CHD1L: variants seen among roughly 807,000 people sequenced by gnomAD.
CHD1L encodes the protein ATP-dependent chromatin remodeler CHD1L.
CHD1L carries 118 observed loss-of-function variants against 115.9 expected under a neutral mutation model. The ratio of observed to expected loss-of-function variants is 1.02; its 90% CI spans 0.88 to 1.19. CHD1L has a LOEUF of 1.19. Ranked by LOEUF, CHD1L falls within the 50% of genes most tolerant of loss-of-function variation. The pLI is 0.00. For missense variants in CHD1L, 1,179 were observed against 1,065.3 expected (o/e 1.11, Z -1.49); for synonymous variants, 411 against 387.1 (o/e 1.06, Z -0.72).
At chr1:147,175,079 T>G in the CHD1L span, 1 of 152,214 alleles carries the variant, frequency 6.6e-6, no homozygotes, top group Non-Finnish European at 1.5e-5. Flanking sequence ...GAGGTTTATA[T>G]TCCCATCTCC....
At position 147,286,321 on chromosome 1, in the gene CHD1L, AT is replaced by A; in HGVS notation, c.2044del (p.Tyr682ThrfsTer59). On this transcript the variant is annotated frameshift_variant, in exon 18 of 23. Transcript: ENST00000369258. LOFTEE classifies it high-confidence loss of function. ...KKKMAWWESNNYQSFCLPSEE... is the reference protein window; with the variant it reads ...KKKMAWWESNXYQSFCLPSEE... ...AGGATGGCCTGGTGGGAATCCAACA[AT>A]TACCAGTCCTTCTGCCTGCCCTCTG... is the stretch of plus-strand genomic sequence containing the variant. The A allele has an allele frequency of 1.9e-6, 3 of 1,612,462 alleles. No individual in the cohort carries two copies. Among genetic ancestry groups the A allele is most frequent in the Non-Finnish European group, 2.5e-6 (3 of 1,178,554 alleles).
At chr1:147,211,407 T>C in the CHD1L span, 1 of 152,242 alleles carries the variant, frequency 6.6e-6, no homozygotes, top group African/African-American at 2.4e-5. Context: ...CTGATAAATG[T>C]CTGTTGAATT....
chr1:147,195,133 T>C, the CHD1L span, among the ~76,000 whole-genome samples: 1 of 152,142 alleles, frequency 6.6e-6, no homozygotes, highest in African/African-American at 2.4e-5. Flanking sequence ...TCCCCGTCAC[T>C]TTCAGGTTCA....
At chr1:147,273,625 C>T (rs2102702565) in intron 12 of CHD1L, among the ~76,000 whole-genome samples, 1 of 152,248 alleles carries the variant, frequency 6.6e-6, no homozygotes, top group Non-Finnish European at 1.5e-5. Flanking sequence ...GCCGGGAAAA[C>T]AGTTTTATTT....
intron 14 of CHD1L, among the ~76,000 whole-genome samples, chr1:147,278,786 A>G (rs1553959885): frequency 2.0e-5 from 3 of 152,150 alleles, no homozygotes; most frequent in South Asian, 2.1e-4. Flanking sequence ...GATAGACACT[A>G]TCTTTATCCC....
At chr1:147,288,340 A>AAG (rs1684168765) in intron 19 of CHD1L, among the ~76,000 whole-genome samples, 1 of 960 alleles carries the variant, frequency 1.0e-3, no homozygotes, top group East Asian at 0.042. Flanking sequence ...AAAAAAAAAA[A>AAG]AAAAAAGAAA....
chr1:147,231,549 T>A, the CHD1L span, among the ~76,000 whole-genome samples: 2 of 152,158 alleles, frequency 1.3e-5, no homozygotes, highest in African/African-American at 4.8e-5. Context: ...TGAGTTCAAT[T>A]CCTGTATATC....
rs1452486110 is a variant in CHD1L at position 147,288,322 on chromosome 1, C to CATT, written c.2320+590_2320+591insTTA. ...CCTGAGTGAGAGTGAGACCCTGTTT[C>CATT]AATAAAAAAAAAAAAAAAAAAAAAG... is the stretch of plus-strand genomic sequence containing the variant. On this transcript the variant is annotated intron_variant, in intron 19 of 22. Transcript: ENST00000369258. 6.5e-3 allele frequency among the ~76,000 whole-genome samples: 569 copies of CATT among 87,852 alleles called. 30 individuals are homozygous for CATT. Among genetic ancestry groups the CATT allele is most frequent in the Non-Finnish European group, 8.1e-3 (378 of 46,714 alleles). 57.6% of individuals were successfully genotyped at this position (87,852 alleles called of 152,430 possible).
At chr1:147,208,829 G>A in the CHD1L span, 13 of 1,596,816 alleles carry the variant, frequency 8.1e-6, no homozygotes, top group Non-Finnish European at 1.0e-5. Flanking sequence ...CACTATCCCT[G>A]CACTCCCATC....
At chr1:147,207,186 A>G in the CHD1L span, among the ~76,000 whole-genome samples, 1 of 152,140 alleles carries the variant, frequency 6.6e-6, no homozygotes. Context: ...TGAAGTATTT[A>G]AAGTGTCTTA....
the CHD1L span, among the ~76,000 whole-genome samples, chr1:147,220,602 T>C: frequency 6.6e-6 from 1 of 152,220 alleles, no homozygotes; most frequent in African/African-American, 2.4e-5. Context: ...CAAACGCTAT[T>C]TCAAGCCAGG....
the CHD1L span, among the ~76,000 whole-genome samples, chr1:147,189,056 A>G: frequency 5.6e-4 from 85 of 152,168 alleles, 1 homozygote; most frequent in African/African-American, 1.9e-3. Flanking sequence ...CGGGCAGATC[A>G]CAAGGTCAGG....
chr1:147,187,022 G>C, the CHD1L span: 1 of 1,613,978 alleles, frequency 6.2e-7, no homozygotes, highest in Non-Finnish European at 8.5e-7. Context: ...TTCCTGATGC[G>C]ATCATCTGTG....
the CHD1L span, among the ~76,000 whole-genome samples, chr1:147,183,061 G>A: frequency 6.6e-6 from 1 of 152,160 alleles, no homozygotes; most frequent in Admixed American, 6.5e-5. Context: ...AGCCAGGCGT[G>A]GTGGCGGACA....
the CHD1L span, among the ~76,000 whole-genome samples, chr1:147,235,087 C>CTGTGTGTGTGTG: frequency 0.061 from 8,853 of 146,028 alleles, 392 homozygotes; most frequent in East Asian, 0.21. Context: ...ATATCCCACA[C>CTGTGTGTGTGTG]TGTGTGTGTG....
At chr1:147,268,624 G>A (rs1674904747) in intron 9 of CHD1L, among the ~76,000 whole-genome samples, 158 bp from the exon 10 acceptor site, 3 of 152,112 alleles carry the variant, frequency 2.0e-5, no homozygotes, top group South Asian at 4.1e-4. Flanking sequence ...AGGCTTGTTG[G>A]ATGTGCTAGG....
At chr1:147,218,385 G>A in the CHD1L span, among the ~76,000 whole-genome samples, 1 of 150,994 alleles carries the variant, frequency 6.6e-6, no homozygotes, top group Non-Finnish European at 1.5e-5. Context: ...ACAGGCACGC[G>A]CCACTATGCC....
At chr1:147,235,086 A>AGT in the CHD1L span, among the ~76,000 whole-genome samples, 13 of 96,494 alleles carry the variant, frequency 1.3e-4, 1 homozygote, top group Non-Finnish European at 2.7e-4. Context: ...GATATCCCAC[A>AGT]CTGTGTGTGT....
intron 9 of CHD1L, among the ~76,000 whole-genome samples, chr1:147,268,363 C>A (rs12024575): frequency 0.054 from 8,156 of 152,150 alleles, 526 homozygotes; most frequent in East Asian, 0.17. Context: ...GAATCTCTGC[C>A]AAATAGTGCT....
Sources: gnomAD v4.1 joint callset for allele counts (sites outside exome capture counted in the v4.1 genomes callset) on GRCh38, gnomAD v4.1.1 for gene constraint, MANE v1.5 for transcripts, NCBI Gene and HGNC (gene_info 2026-07-23, HGNC 2026-07-21) for gene names.